Variants in GNA14 observed in about 807,000 individuals in gnomAD.
The protein encoded by GNA14 is G protein subunit alpha 14.
A neutral mutation model predicts 42.0 loss-of-function variants in GNA14; 50 were observed. The observed-to-expected ratio is 1.19, with a 90% CI of 0.95 to 1.51. GNA14 has a LOEUF of 1.51. Among genes scored for constraint, GNA14 ranks in the 40% most tolerant of loss-of-function variants. The probability of loss-of-function intolerance (pLI) is 0.00; values close to 1 mark genes in which losing one functional copy is unlikely to be tolerated. For synonymous variants in GNA14, 173 were observed against 163.1 expected, an observed-to-expected ratio of 1.06 and a Z score of -0.46; for missense variants, 473 against 446.2, an observed-to-expected ratio of 1.06 and a Z score of -0.54.
intron 1 of GNA14, among the ~76,000 whole-genome samples, chr9:77,580,837 T>C (rs917600585): frequency 9.8e-5 from 15 of 152,300 alleles, no homozygotes; most frequent in South Asian, 2.1e-4. Flanking sequence ...ATTGTACCAG[T>C]GCATGCCTCA....
chr9:77,429,317 A>C (rs553655781), intron 4 of GNA14, among the ~76,000 whole-genome samples: 27 of 152,210 alleles, frequency 1.8e-4, no homozygotes, highest in Non-Finnish European at 3.2e-4. Flanking sequence ...ACCAGTGTCC[A>C]GACAGAAAAC....
intron 2 of GNA14, chr9:77,456,656 A>C (rs889463147): frequency 6.6e-6 from 1 of 152,174 alleles, no homozygotes; most frequent in African/African-American, 2.4e-5. Context: ...GGAGTAACGT[A>C]TGTTCTTTCT....
intron 2 of GNA14, among the ~76,000 whole-genome samples, chr9:77,487,792 C>A (rs1836686278): frequency 1.3e-5 from 2 of 152,184 alleles, no homozygotes; most frequent in Non-Finnish European, 2.9e-5. Flanking sequence ...GAAGTACCTA[C>A]CACTGAAGCC....
At chr9:77,520,987 A>C (rs942659163) in intron 2 of GNA14, among the ~76,000 whole-genome samples, 3 of 152,204 alleles carry the variant, frequency 2.0e-5, no homozygotes, top group Non-Finnish European at 4.4e-5. Context: ...GGCAATCAAG[A>C]AGAAAGTTCA....
chr9:77,630,243 G>A (rs1371619681), intron 1 of GNA14, among the ~76,000 whole-genome samples: 1 of 151,700 alleles, frequency 6.6e-6, no homozygotes, highest in African/African-American at 2.4e-5. Flanking sequence ...TCAGCCTCCC[G>A]AGTAGCTGGG....
chr9:77,526,620 G>C (rs376488894), intron 2 of GNA14: 1 of 152,398 alleles, frequency 6.6e-6, no homozygotes, highest in African/African-American at 2.4e-5. Context: ...GCCAACGGAC[G>C]GCAAGGATTT....
At chr9:77,639,631 G>A in intron 1 of GNA14, among the ~76,000 whole-genome samples, 1 of 152,252 alleles carries the variant, frequency 6.6e-6, no homozygotes. Flanking sequence ...AGCAGCAGCA[G>A]CAGCAGCGAC....
intron 3 of GNA14, among the ~76,000 whole-genome samples, chr9:77,433,353 A>G (rs1212934565): frequency 6.6e-6 from 1 of 151,732 alleles, no homozygotes; most frequent in Non-Finnish European, 1.5e-5. Flanking sequence ...CTGAGGAGGC[A>G]TTGCCCCGGG....
intron 1 of GNA14, among the ~76,000 whole-genome samples, chr9:77,533,322 G>A (rs1253910605): frequency 6.6e-6 from 1 of 152,168 alleles, no homozygotes; most frequent in African/African-American, 2.4e-5. Flanking sequence ...TGGGATTAGA[G>A]GCGTGTGCCA....
In GNA14 at chr9:77,441,719, T is replaced by A. The variant is rs1342064084; in HGVS notation, c.310-7197A>T. Among the ~76,000 whole-genome samples the A allele has an allele frequency of 4.6e-5, 7 of 152,196 alleles. No individual in the cohort carries two copies. The South Asian group carries it at 8.3e-4, about 18-fold the overall frequency. The stretch of plus-strand genomic sequence containing the variant: ...TCAGTGAGATTAAGATAAAATATAT[T>A]ATTAAATATGAGAACTCTTTGTAGC... On this transcript the variant is annotated intron_variant, in intron 2 of 6. Transcript: ENST00000341700.
At chr9:77,561,782 TGTTA>T (rs968069805) in intron 1 of GNA14, among the ~76,000 whole-genome samples, 23 of 152,350 alleles carry the variant, frequency 1.5e-4, no homozygotes, top group African/African-American at 2.4e-4. Flanking sequence ...GGGTAAATTT[TGTTA>T]GTTAGTGCAA....
chr9:77,549,338 C>T (rs989383208), intron 1 of GNA14, among the ~76,000 whole-genome samples: 2 of 152,200 alleles, frequency 1.3e-5, no homozygotes, highest in African/African-American at 2.4e-5. Flanking sequence ...CGCACATTTA[C>T]GGTACCTGTT....
chr9:77,446,832 A>AAG (rs984673890), intron 2 of GNA14, among the ~76,000 whole-genome samples: 1 of 152,198 alleles, frequency 6.6e-6, no homozygotes, highest in African/African-American at 2.4e-5. Flanking sequence ...TATACAGCCA[A>AAG]AGAGAGAGAG....
At chr9:77,447,124 G>A (rs10115991) in intron 2 of GNA14, among the ~76,000 whole-genome samples, 7 of 151,740 alleles carry the variant, frequency 4.6e-5, no homozygotes, top group Non-Finnish European at 8.8e-5. Flanking sequence ...CCACCACGCC[G>A]AGTAGAGATG....
intron 2 of GNA14, among the ~76,000 whole-genome samples, chr9:77,507,447 G>A (rs1837090196): frequency 6.6e-6 from 1 of 152,076 alleles, no homozygotes; most frequent in African/African-American, 2.4e-5. Flanking sequence ...GAACAAACAT[G>A]TAGAGCATGG....
chr9:77,479,019 C>A (rs1836490927), intron 2 of GNA14, among the ~76,000 whole-genome samples: 1 of 152,004 alleles, frequency 6.6e-6, no homozygotes, highest in Non-Finnish European at 1.5e-5. Flanking sequence ...TGTGCAGAAG[C>A]TCTTTAATTA....
chr9:77,463,254 G>A (rs1169948313), intron 2 of GNA14, among the ~76,000 whole-genome samples: 1 of 152,088 alleles, frequency 6.6e-6, no homozygotes, highest in Non-Finnish European at 1.5e-5. Context: ...ACTAGGAGTC[G>A]CCATCACAAT....
At chr9:77,593,904 T>C (rs1286698471) in intron 1 of GNA14, among the ~76,000 whole-genome samples, 3 of 152,216 alleles carry the variant, frequency 2.0e-5, no homozygotes, top group Admixed American at 6.5e-5. Context: ...TCTTCCCTCC[T>C]AGTGAGCACA....
At position 77,438,283 on chromosome 9, in the gene GNA14, T is replaced by A. The variant is rs570834140; in HGVS notation, c.310-3761A>T. Among the ~76,000 whole-genome samples the A allele has an allele frequency of 9.1e-4, 137 of 150,120 alleles. 1 individual carries two copies. The highest frequency in any genetic ancestry group is 3.0e-3 in the African/African-American group (124 of 40,666). ...CTACCTGTTAAGATTTTTTTTTTTT[T>A]AAAGACATAGTTTCACTCTGTCTCC... On this transcript the variant is annotated intron_variant, in intron 2 of 6. Coordinates refer to ENST00000341700, the MANE Select transcript of GNA14 (RefSeq NM_004297.4).
Sources: allele counts gnomAD v4.1 joint callset (sites outside exome capture counted in the v4.1 genomes callset), GRCh38; gene constraint gnomAD v4.1.1; transcripts MANE v1.5; gene names NCBI Gene and HGNC (gene_info 2026-07-23, HGNC 2026-07-21).